The following ABCB4 variants were observed in gnomAD, a reference collection of about 807,000 sequenced individuals.
ABCB4 encodes phosphatidylcholine translocator ABCB4.
ABCB4 carries 76 observed loss-of-function variants against 145.7 expected under a neutral mutation model. The observed-to-expected ratio is 0.52, with a 90% confidence interval of 0.43 to 0.63. ABCB4 has a LOEUF of 0.63. Ranked by LOEUF, ABCB4 falls within the 30% of genes least tolerant of loss-of-function variation. The pLI is 0.00. For missense variants in ABCB4, 1,234 were observed against 1,553.1 expected (o/e 0.79, Z 3.45); for synonymous variants, 517 against 566.8 (o/e 0.91, Z 1.25).
intron 15 of ABCB4, among the ~76,000 whole-genome samples, chr7:87,429,029 T>C (rs1336002769): frequency 6.6e-6 from 1 of 152,196 alleles, no homozygotes; most frequent in Non-Finnish European, 1.5e-5. Context: ...GGAAAAGCAG[T>C]GATACTTGTT....
At chr7:87,398,892 T>C (rs1807648881), downstream of ABCB4, 5 of 428,102 alleles carry the variant, frequency 1.2e-5, no homozygotes, top group Non-Finnish European at 2.1e-5. Flanking sequence ...AATATAGAAC[T>C]ATGCAGTATT....
intron 21 of ABCB4, among the ~76,000 whole-genome samples, chr7:87,416,177 C>G (rs1307703780): frequency 2.0e-5 from 3 of 152,148 alleles, no homozygotes; most frequent in African/African-American, 4.8e-5. Flanking sequence ...TACTATTATA[C>G]CTAACGCTGC....
intron 19 of ABCB4, among the ~76,000 whole-genome samples, chr7:87,419,104 T>C (rs891843303): frequency 2.6e-5 from 4 of 152,194 alleles, no homozygotes; most frequent in Admixed American, 6.5e-5. Flanking sequence ...GTGTCTGATC[T>C]CCAGTTAGCC....
rs1216385209 is a variant in ABCB4, at chr7:87,444,918, C to T, written c.1063G>A (p.Asp355Asn). The T allele has an allele frequency of 3.7e-6, 6 of 1,608,280 alleles. No homozygotes were observed. Among genetic ancestry groups the T allele is most frequent in the Non-Finnish European group, 2.5e-6 (3 of 1,179,538 alleles). ...FSVGQAAPCI[D>N]AFANARGAAY... The stretch of plus-strand genomic sequence containing the variant: ...GCTCCTCTTGCATTGGCAAAAGCAT[C>T]AATACATGGGGCAGCCTGGCCAACA... Residue 355 changes from aspartate (D) to asparagine (N), a missense_variant, in exon 10 of 28, where the codon GAT becomes AAT. Around this residue, in one of 7 missense-constraint regions of ABCB4, gnomAD observed 467 missense variants for 632.8 expected, o/e 0.74. Transcript: ENST00000649586.
At chr7:87,453,963 A>G (rs1455997970) in intron 5 of ABCB4, among the ~76,000 whole-genome samples, 1 of 152,206 alleles carries the variant, frequency 6.6e-6, no homozygotes, top group African/African-American at 2.4e-5. Flanking sequence ...ATATGATAAA[A>G]TGTCATGAAT....
intron 19 of ABCB4, among the ~76,000 whole-genome samples, chr7:87,419,620 T>G (rs1809255438): frequency 6.6e-6 from 1 of 152,184 alleles, no homozygotes; most frequent in Admixed American, 6.5e-5. Flanking sequence ...GATTAAATGC[T>G]ATCAACTAGG....
intron 17 of ABCB4, 196 bp downstream of exon 17, chr7:87,423,710 A>C (rs1391369804): frequency 2.4e-5 from 15 of 622,022 alleles, no homozygotes; most frequent in Non-Finnish European, 3.6e-5. Flanking sequence ...TAATTTCATT[A>C]ATATCATAAC....
intron 5 of ABCB4, among the ~76,000 whole-genome samples, chr7:87,453,861 G>A (rs935082509): frequency 4.6e-5 from 7 of 151,962 alleles, no homozygotes; most frequent in South Asian, 2.1e-4. Context: ...ATGTGAAATC[G>A]CCCTTTCCAT....
intron 12 of ABCB4, among the ~76,000 whole-genome samples, chr7:87,442,617 G>C (rs1811059993): frequency 6.6e-6 from 1 of 151,708 alleles, no homozygotes; most frequent in South Asian, 2.1e-4. Flanking sequence ...AAGTATAAGG[G>C]TATACATAAT....
At chr7:87,430,741 C>T (rs1425658586) in intron 15 of ABCB4, among the ~76,000 whole-genome samples, 1 of 151,982 alleles carries the variant, frequency 6.6e-6, no homozygotes, top group Non-Finnish European at 1.5e-5. Context: ...TGGCCAGGCT[C>T]GTCTCGAACT....
chr7:87,446,295 T>G (rs1158034947), intron 9 of ABCB4, among the ~76,000 whole-genome samples: 1 of 152,206 alleles, frequency 6.6e-6, no homozygotes, highest in African/African-American at 2.4e-5. Flanking sequence ...TCTATTTAAA[T>G]AGTTACATAT....
At chr7:87,412,259 A>G (rs1361488992) in intron 22 of ABCB4, among the ~76,000 whole-genome samples, 1 of 152,222 alleles carries the variant, frequency 6.6e-6, no homozygotes, top group Non-Finnish European at 1.5e-5. Context: ...CACAGTGCCT[A>G]GTTCATAGTG....
intron 4 of ABCB4, among the ~76,000 whole-genome samples, chr7:87,459,813 T>C (rs755378650): frequency 6.6e-6 from 1 of 152,180 alleles, no homozygotes; most frequent in Non-Finnish European, 1.5e-5. Context: ...TCTGCGACAC[T>C]TGAAAAGAGG....
chr7:87,443,182 T>C, intron 12 of ABCB4, 137 bp downstream of exon 12: 1 of 1,087,226 alleles, frequency 9.2e-7, no homozygotes, highest in Non-Finnish European at 1.4e-6. Context: ...GTGAAGGCAT[T>C]ATCCATCGGC....
intron 27 of ABCB4, among the ~76,000 whole-genome samples, chr7:87,402,835 C>A (rs911356716): frequency 9.9e-5 from 15 of 152,012 alleles, no homozygotes; most frequent in East Asian, 3.9e-4. Context: ...CCTGTCTCTA[C>A]TAAAAATACA....
chr7:87,421,356 C>T (rs1224035402), intron 18 of ABCB4, among the ~76,000 whole-genome samples: 2 of 152,162 alleles, frequency 1.3e-5, no homozygotes, highest in Non-Finnish European at 2.9e-5. Context: ...GCTACAGGTT[C>T]TATGCATCAG....
At chr7:87,379,490 A>T in the ABCB4 span, among the ~76,000 whole-genome samples, 3 of 152,338 alleles carry the variant, frequency 2.0e-5, no homozygotes, top group East Asian at 5.8e-4. Context: ...AGACCATCAA[A>T]AAACACCTTT....
Position 87,409,272 on chromosome 7 carries a change from AG to A in ABCB4, c.3044del (p.Pro1015LeufsTer2). On this transcript the variant is annotated frameshift_variant, in exon 24 of 28. Transcript: ENST00000649586. LOFTEE classifies it high-confidence loss of function. The part of the protein sequence containing the change: ...AHLFMLFERQ[P>X]LIDSYSEEGL... Reference sequence around the variant, plus strand: ...CCTCTTCACTGTAGCTGTCAATCAGAGGTTGTCTTTCAAACAGCATGAATAA... The same window carrying A: ...CCTCTTCACTGTAGCTGTCAATCAGAGTTGTCTTTCAAACAGCATGAATAA... 6.2e-7 allele frequency: 1 copy of A among 1,614,124 alleles called. No homozygotes were observed. Among genetic ancestry groups the A allele is most frequent in the African/African-American group, 1.3e-5 (1 of 75,054 alleles).
chr7:87,474,900 A>T (rs1340293655), intron 2 of ABCB4, among the ~76,000 whole-genome samples: 1 of 151,960 alleles, frequency 6.6e-6, no homozygotes, highest in Admixed American at 6.6e-5. Flanking sequence ...CGATGAGAGG[A>T]GGGGGAGGGG....
Sources: allele counts gnomAD v4.1 joint callset (sites outside exome capture counted in the v4.1 genomes callset), GRCh38; gene constraint gnomAD v4.1.1; regional missense constraint gnomAD v4.1.1; transcripts MANE v1.5; gene names NCBI Gene and HGNC (gene_info 2026-07-23, HGNC 2026-07-21).